LAMA2: variants seen among roughly 807,000 people sequenced by gnomAD.
LAMA2 encodes laminin subunit alpha 2, also known as laminin subunit alpha-2.
LAMA2 carries 269 observed loss-of-function variants against 364.8 expected under a neutral mutation model. That is an observed-to-expected ratio of 0.74 (90% CI 0.67 to 0.82). The LOEUF (loss-of-function observed/expected upper bound fraction) is 0.82. LAMA2 is among the 40% of genes least tolerant of loss of function. LAMA2 has a pLI of 0.00. For missense variants in LAMA2, 3,807 were observed against 3,873.2 expected, an observed-to-expected ratio of 0.98 and a Z score of 0.45; for synonymous variants, 1,379 against 1,370.6, an observed-to-expected ratio of 1.01 and a Z score of -0.14.
intron 1 of LAMA2, among the ~76,000 whole-genome samples, chr6:128,928,039 T>G (rs1779204815): frequency 6.6e-6 from 1 of 152,224 alleles, no homozygotes; most frequent in African/African-American, 2.4e-5. Context: ...AATGGGGAGT[T>G]AAGCAGTCAT....
chr6:128,888,101 G>A (rs1247585468), intron 1 of LAMA2, among the ~76,000 whole-genome samples: 1 of 152,122 alleles, frequency 6.6e-6, no homozygotes, highest in Non-Finnish European at 1.5e-5. Flanking sequence ...AGCTAAACAG[G>A]AATTTAGGCA....
chr6:129,272,970 G>T lies in LAMA2; in HGVS notation c.2450+2219G>T, dbSNP rs148132911. Reference sequence around the variant, plus strand: ...AGTACCTGGTGCCAAAAATTTTGGGGACCACTGGTTAATGTATGTTAGTGA... The same window carrying T: ...AGTACCTGGTGCCAAAAATTTTGGGTACCACTGGTTAATGTATGTTAGTGA... On this transcript the variant is annotated intron_variant, in intron 17 of 64. Coordinates refer to ENST00000421865, the MANE Select transcript of LAMA2 (RefSeq NM_000426.4). Among the ~76,000 whole-genome samples, 418 of 152,236 alleles carry T rather than the reference G, an allele frequency of 2.7e-3. 4 individuals are homozygous for T. Among genetic ancestry groups the T allele is most frequent in the Middle Eastern group, 0.027 (8 of 294 alleles).
chr6:129,367,526 T>C (rs1008172643), intron 33 of LAMA2, among the ~76,000 whole-genome samples: 3 of 152,224 alleles, frequency 2.0e-5, no homozygotes, highest in Non-Finnish European at 4.4e-5. Context: ...ACTGAGAGTA[T>C]AATTTCTGTT....
intron 22 of LAMA2, among the ~76,000 whole-genome samples, chr6:129,307,712 A>G (rs563253644): frequency 5.3e-5 from 8 of 152,368 alleles, no homozygotes; most frequent in African/African-American, 1.4e-4. Flanking sequence ...AAGAATAAAT[A>G]CTGTAAAAAC....
At chr6:129,352,183 G>A (rs1430987963) in intron 31 of LAMA2, among the ~76,000 whole-genome samples, 1 of 152,100 alleles carries the variant, frequency 6.6e-6, no homozygotes, top group Non-Finnish European at 1.5e-5. Flanking sequence ...TAGCAATTAA[G>A]CCAAAACAAC....
At chr6:129,284,502 T>C (rs1260300941) in intron 18 of LAMA2, among the ~76,000 whole-genome samples, 2 of 152,166 alleles carry the variant, frequency 1.3e-5, no homozygotes, top group Non-Finnish European at 2.9e-5. Flanking sequence ...TAGTACCGTG[T>C]AAAAGTGCTC....
At position 129,288,008 on chromosome 6, in the gene LAMA2, T is replaced by C; in HGVS notation, c.2699T>C (p.Leu900Pro). The C allele has an allele frequency of 6.2e-7, 1 of 1,614,110 alleles. No homozygotes were observed. ...GGTACAACAGGCCGGTACTGTGAGC[T>C]CTGTGCTGATGGATATTTTGGAGAT... is the stretch of plus-strand genomic sequence containing the variant. The part of the protein sequence containing the change: ...KPGTTGRYCE[L>P]CADGYFGDAV... The change falls in exon 19 of 65, where the codon CTC becomes CCC. Residue 900 changes from leucine (L) to proline (P), a missense_variant. This residue lies in a region of LAMA2 where 3,333 missense variants were observed against 3,345.7 expected (regional missense o/e 1.00). Transcript: ENST00000421865.
At chr6:128,891,682 T>C (rs1388280113) in intron 1 of LAMA2, among the ~76,000 whole-genome samples, 3 of 152,112 alleles carry the variant, frequency 2.0e-5, no homozygotes, top group Non-Finnish European at 2.9e-5. Flanking sequence ...TCCAACATCA[T>C]GTGGTATACC....
At chr6:129,099,125 G>GTTTTTTTT (rs370334822) in intron 4 of LAMA2, among the ~76,000 whole-genome samples, 16 of 129,790 alleles carry the variant, frequency 1.2e-4, no homozygotes, top group Non-Finnish European at 1.4e-4. Flanking sequence ...TTTTTTTTTT[G>GTTTTTTTT]TTTTTTTTTT....
At chr6:129,383,304 C>T in intron 35 of LAMA2, 71 bp downstream of exon 35, 1 of 1,163,424 alleles carries the variant, frequency 8.6e-7, no homozygotes, top group South Asian at 1.3e-5. Flanking sequence ...TGACACAGGA[C>T]TGGAATTTCT....
chr6:128,895,402 G>C (rs942928151), intron 1 of LAMA2, among the ~76,000 whole-genome samples: 1 of 151,370 alleles, frequency 6.6e-6, no homozygotes, highest in African/African-American at 2.4e-5. Context: ...GGAGGCCGGG[G>C]CGGGTGGATC....
At chr6:128,902,468 G>A (rs1468508765) in intron 1 of LAMA2, among the ~76,000 whole-genome samples, 1 of 151,954 alleles carries the variant, frequency 6.6e-6, no homozygotes, top group Admixed American at 6.5e-5. Flanking sequence ...CATAATCGAA[G>A]CAAGAAAAAT....
At chr6:128,974,930 C>T (rs983079830) in intron 1 of LAMA2, among the ~76,000 whole-genome samples, 6 of 151,188 alleles carry the variant, frequency 4.0e-5, no homozygotes, top group African/African-American at 1.2e-4. Flanking sequence ...TGGTTCACTG[C>T]AAGCTCCGCC....
intron 63 of LAMA2, among the ~76,000 whole-genome samples, chr6:129,513,398 A>G (rs1193627436): frequency 6.6e-6 from 1 of 152,226 alleles, no homozygotes; most frequent in East Asian, 1.9e-4. Context: ...TTTTTCAAGT[A>G]ACATGCTCTT....
In LAMA2 at chr6:129,144,181, G is replaced by C. The variant is rs997270758; in HGVS notation, c.819+101G>C. On this transcript the variant is annotated intron_variant, in intron 5 of 64. Coordinates refer to ENST00000421865, the MANE Select transcript of LAMA2 (RefSeq NM_000426.4). ...ATGTTTTCAGTGATTTGTAGGAGTG[G>C]TTATTATCAAATTTTTATTTTAGAA... 30 of 811,504 alleles carry C rather than the reference G, an allele frequency of 3.7e-5. No homozygotes were observed. The East Asian group carries it at 6.5e-4, about 18-fold the overall frequency. The allele number at this position is 811,504 out of a possible 1,614,324, so 50.3% of individuals were successfully genotyped here.
chr6:129,317,659 C>T (rs1774696551), intron 27 of LAMA2, among the ~76,000 whole-genome samples: 2 of 152,082 alleles, frequency 1.3e-5, no homozygotes, highest in Non-Finnish European at 1.5e-5. Context: ...TAGAATATCA[C>T]ATGTAAATTA....
chr6:129,021,515 T>C (rs1048679935), intron 1 of LAMA2, among the ~76,000 whole-genome samples: 3 of 152,158 alleles, frequency 2.0e-5, no homozygotes, highest in African/African-American at 7.2e-5. Context: ...GCTAAGAAGC[T>C]CTCATGTTAT....
At chr6:129,410,714 T>TTAGATAGATAGATAGA (rs36203052) in intron 40 of LAMA2, among the ~76,000 whole-genome samples, 3 of 150,298 alleles carry the variant, frequency 2.0e-5, no homozygotes, top group Non-Finnish European at 3.0e-5. Flanking sequence ...GATAGACAGA[T>TTAGATAGATAGATAGA]TAGATAGATA....
chr6:129,267,602 T>C (rs1390380956), intron 16 of LAMA2, among the ~76,000 whole-genome samples: 2 of 152,072 alleles, frequency 1.3e-5, no homozygotes, highest in African/African-American at 4.8e-5. Context: ...GTGTAAAATA[T>C]AACCTTTATA....
Sources: gnomAD v4.1 joint callset for allele counts (sites outside exome capture counted in the v4.1 genomes callset) on GRCh38, gnomAD v4.1.1 for gene constraint, gnomAD v4.1.1 regional missense constraint, MANE v1.5 for transcripts, NCBI Gene and HGNC (gene_info 2026-07-23, HGNC 2026-07-21) for gene names.